Variants in CNTNAP2 observed in about 807,000 individuals in gnomAD.
CNTNAP2 encodes the protein contactin associated protein 2.
CNTNAP2 carries 98 observed loss-of-function variants against 155.2 expected under a neutral mutation model. The ratio of observed to expected loss-of-function variants is 0.63; its 90% confidence interval spans 0.54 to 0.75. The LOEUF (loss-of-function observed/expected upper bound fraction) is 0.75, where lower values mean the gene tolerates loss of function less well. Among genes scored for constraint, CNTNAP2 ranks in the 30% least tolerant of loss-of-function variants. CNTNAP2 has a pLI of 0.00. For synonymous variants in CNTNAP2, 651 were observed against 631.2 expected (o/e 1.03, Z -0.47); for missense variants, 1,727 against 1,688.1 (o/e 1.02, Z -0.40).
At chr7:146,943,573 T>C (rs1335150117) in intron 3 of CNTNAP2, among the ~76,000 whole-genome samples, 2 of 152,238 alleles carry the variant, frequency 1.3e-5, no homozygotes, top group Non-Finnish European at 2.9e-5. Flanking sequence ...ATACTCTAAG[T>C]TACATCATCT....
intron 12 of CNTNAP2, among the ~76,000 whole-genome samples, chr7:147,576,851 A>G (rs899733218): frequency 2.0e-5 from 3 of 152,058 alleles, no homozygotes; most frequent in Admixed American, 1.3e-4. Flanking sequence ...ATGAAATGCT[A>G]GCCAACCCCC....
At chr7:147,783,217 C>T (rs1563087545) in intron 13 of CNTNAP2, among the ~76,000 whole-genome samples, 2 of 152,106 alleles carry the variant, frequency 1.3e-5, no homozygotes, top group East Asian at 3.9e-4. Context: ...GAATTGTGTG[C>T]CCATGTAATT....
At chr7:147,325,303 T>TCAA (rs757753769) in intron 9 of CNTNAP2, among the ~76,000 whole-genome samples, 290 of 152,158 alleles carry the variant, frequency 1.9e-3, no homozygotes, top group Middle Eastern at 3.4e-3. Flanking sequence ...AGACTCCATC[T>TCAA]CAACAACAAC....
At chr7:147,841,145 C>T (rs981216790) in intron 13 of CNTNAP2, among the ~76,000 whole-genome samples, 1 of 152,260 alleles carries the variant, frequency 6.6e-6, no homozygotes, top group South Asian at 2.1e-4. Flanking sequence ...GACAGAGAGA[C>T]AAAATGAGTA....
chr7:146,295,753 G>C (rs575737574), intron 1 of CNTNAP2, among the ~76,000 whole-genome samples: 2 of 151,630 alleles, frequency 1.3e-5, no homozygotes, highest in East Asian at 3.9e-4. Flanking sequence ...TATCCTGAAA[G>C]CAGAAATAAT....
Position 148,415,639 on chromosome 7 carries a change from ATAGGGAGGAGGGAATTACTAG to A in CNTNAP2, c.*24_*44del. 6.2e-7 allele frequency: 1 copy of A among 1,614,016 alleles called. No homozygotes were observed. The highest frequency in any genetic ancestry group is 1.1e-5 in the South Asian group (1 of 91,068). Reference sequence around the variant, plus strand: ...TGAGGGGTGGCTACTTGGCTATGGGATAGGGAGGAGGGAATTACTAGGGAGGAGAGAAAGGGACAAAAGCAC... The same window carrying A: ...TGAGGGGTGGCTACTTGGCTATGGGAGGAGGAGAGAAAGGGACAAAAGCAC... On this transcript the variant is annotated 3_prime_UTR_variant, in exon 24 of 24. Transcript: ENST00000361727.
At chr7:148,127,011 A>G (rs1009070481) in intron 16 of CNTNAP2, among the ~76,000 whole-genome samples, 2 of 152,212 alleles carry the variant, frequency 1.3e-5, no homozygotes, top group Non-Finnish European at 2.9e-5. Flanking sequence ...TAACAATTTA[A>G]AAGAGATTTT....
chr7:148,118,082 G>A (rs1232597915), intron 15 of CNTNAP2, 36 bp from the exon 16 acceptor site: 1 of 1,609,056 alleles, frequency 6.2e-7, no homozygotes, highest in South Asian at 1.1e-5. Flanking sequence ...TGATCAGGGT[G>A]TGAGTTAACC....
intron 9 of CNTNAP2, among the ~76,000 whole-genome samples, chr7:147,328,748 G>T (rs1353498779): frequency 6.6e-6 from 1 of 152,072 alleles, no homozygotes; most frequent in East Asian, 1.9e-4. Context: ...CCTTATACAT[G>T]CATATACCAT....
intron 1 of CNTNAP2, among the ~76,000 whole-genome samples, chr7:146,511,612 A>G (rs914715245): frequency 2.0e-5 from 3 of 152,218 alleles, no homozygotes; most frequent in Non-Finnish European, 4.4e-5. Context: ...CCATCTTTGC[A>G]TCACTGGGAT....
rs566754201 is a variant in CNTNAP2 at position 147,987,164 on chromosome 7, A to G, written c.2383+9175A>G. Reference sequence around the variant, plus strand: ...GAGCCCACCGGGCATTTCTGAGGTCAGGTCCAATTACAAATGCTGTAGCTT... The same window carrying G: ...GAGCCCACCGGGCATTTCTGAGGTCGGGTCCAATTACAAATGCTGTAGCTT... On this transcript the variant is annotated intron_variant, in intron 15 of 23. Transcript: ENST00000361727. 2.0e-5 allele frequency among the ~76,000 whole-genome samples: 3 copies of G among 152,314 alleles called. No individual in the cohort carries two copies. In the South Asian group the frequency reaches 6.2e-4, roughly 32 times the overall value.
chr7:147,881,178 A>G (rs1799514673), intron 13 of CNTNAP2, among the ~76,000 whole-genome samples: 1 of 152,238 alleles, frequency 6.6e-6, no homozygotes, highest in Non-Finnish European at 1.5e-5. Flanking sequence ...TCCTGAGAGC[A>G]TAGACACAAA....
intron 9 of CNTNAP2, among the ~76,000 whole-genome samples, chr7:147,326,309 G>A (rs1795458202): frequency 6.6e-6 from 1 of 152,132 alleles, no homozygotes; most frequent in South Asian, 2.1e-4. Flanking sequence ...GTTCTTTTGT[G>A]CCTGGCTTAT....
chr7:147,579,792 T>A (rs1162116177), intron 12 of CNTNAP2, among the ~76,000 whole-genome samples: 1 of 152,184 alleles, frequency 6.6e-6, no homozygotes, highest in Admixed American at 6.5e-5. Context: ...ATTGTTTAGA[T>A]ATATCATAAT....
At chr7:147,508,987 G>A (rs993063471) in intron 11 of CNTNAP2, among the ~76,000 whole-genome samples, 5 of 152,110 alleles carry the variant, frequency 3.3e-5, no homozygotes, top group African/African-American at 4.8e-5. Context: ...TATAAAATTT[G>A]AATAAACTAA....
Position 148,330,506 on chromosome 7 carries a change from GTGGA to G in CNTNAP2, c.3476-53134_3476-53131del, listed in dbSNP as rs1797972481. Among the ~76,000 whole-genome samples the G allele has an allele frequency of 2.9e-5, 4 of 139,206 alleles. No individual in the cohort carries two copies. The South Asian group carries it at 9.8e-4, about 34-fold the overall frequency. 91.3% of individuals were successfully genotyped at this position (139,206 alleles called of 152,430 possible). A position where few individuals can be genotyped will look rare whatever the true frequency, so the allele number is the denominator to read the frequency against. On this transcript the variant is annotated intron_variant, in intron 21 of 23. Transcript: ENST00000361727. ...CGGATGGAGTGGATGGATGGATGGA[GTGGA>G]TGGATGGAGTGGATGGATGGAATGG...
chr7:147,160,483 A>G (rs1349368015), intron 8 of CNTNAP2, among the ~76,000 whole-genome samples: 1 of 152,088 alleles, frequency 6.6e-6, no homozygotes, highest in Non-Finnish European at 1.5e-5. Flanking sequence ...TTTTATTATT[A>G]TAGGTTTATT....
intron 5 of CNTNAP2, among the ~76,000 whole-genome samples, chr7:147,119,609 C>T (rs1417342467): frequency 1.3e-5 from 2 of 152,012 alleles, no homozygotes; most frequent in African/African-American, 4.8e-5. Context: ...ACTGATTTAC[C>T]ATCACACATC....
rs200710149 is a variant in CNTNAP2 at position 146,299,064 on chromosome 7, GAGCTCGAGACC to G, written c.97+182095_97+182105del. Among the ~76,000 whole-genome samples the G allele has an allele frequency of 1.4e-3, 210 of 152,076 alleles. 4 individuals carry two copies. The East Asian group carries it at 0.02, about 15-fold the overall frequency. On this transcript the variant is annotated intron_variant, in intron 1 of 23. Transcript: ENST00000361727. ...CCCAGGTGGGATCACTTGAAGTCAGGAGCTCGAGACCAGCCTGGCCAAGATGGTGAAACCCC... is the reference window on the plus strand; with the variant it reads ...CCCAGGTGGGATCACTTGAAGTCAGGAGCCTGGCCAAGATGGTGAAACCCC...
Sources: allele counts gnomAD v4.1 joint callset (sites outside exome capture counted in the v4.1 genomes callset), GRCh38; gene constraint gnomAD v4.1.1; transcripts MANE v1.5; gene names NCBI Gene and HGNC (gene_info 2026-07-23, HGNC 2026-07-21).